The following WDR27 variants were observed in gnomAD, a reference collection of about 807,000 sequenced individuals.
WDR27 encodes the protein WD repeat domain 27, also known as WD repeat-containing protein 27.
WDR27 carries 100 observed loss-of-function variants against 114.4 expected under a neutral mutation model. The ratio of observed to expected loss-of-function variants is 0.87; its 90% CI spans 0.74 to 1.03. The LOEUF is 1.03. WDR27 is among the 50% of genes least tolerant of loss of function. The pLI is 0.00. For missense variants in WDR27, 1,129 were observed against 1,092.9 expected (o/e 1.03, Z -0.47); for synonymous variants, 449 against 423.1 (o/e 1.06, Z -0.75).
At chr6:169,428,308 A>G in the WDR27 span, among the ~76,000 whole-genome samples, 11 of 152,280 alleles carry the variant, frequency 7.2e-5, no homozygotes, top group Middle Eastern at 3.4e-3. Flanking sequence ...GGGATGATTC[A>G]GTCTCCAAGA....
chr6:169,508,538 G>C (rs146621968), intron 25 of WDR27, among the ~76,000 whole-genome samples: 321 of 152,212 alleles, frequency 2.1e-3, no homozygotes, highest in African/African-American at 6.6e-3. Context: ...AGAGTGAATA[G>C]TCTAAAGTGA....
intron 13 of WDR27, 97 bp downstream of exon 13, chr6:169,658,179 T>G: frequency 1.0e-6 from 1 of 969,964 alleles, no homozygotes. Flanking sequence ...GGAATGCATA[T>G]TTTAACATAA....
intron 21 of WDR27, among the ~76,000 whole-genome samples, chr6:169,617,518 A>T (rs886535662): frequency 2.0e-5 from 3 of 152,092 alleles, no homozygotes; most frequent in African/African-American, 7.2e-5. Context: ...TAGGATTACA[A>T]GGTCATGCCA....
chr6:169,600,034 C>T (rs904732546), intron 23 of WDR27, among the ~76,000 whole-genome samples: 8 of 152,062 alleles, frequency 5.3e-5, no homozygotes, highest in East Asian at 3.9e-4. Context: ...GTAGTCATTC[C>T]GGAGCAGGTT....
chr6:169,616,364 T>C (rs1316335539), intron 21 of WDR27, among the ~76,000 whole-genome samples: 1 of 152,112 alleles, frequency 6.6e-6, no homozygotes, highest in Non-Finnish European at 1.5e-5. Context: ...GGCGGGCACC[T>C]GTAGTCCCAG....
chr6:169,658,187 T>A, intron 13 of WDR27, 89 bp downstream of exon 13: 1 of 1,032,724 alleles, frequency 9.7e-7, no homozygotes, highest in Non-Finnish European at 1.5e-6. Context: ...TATTTTAACA[T>A]AAGAATTCGC....
At chr6:169,583,796 T>G (rs1804037560) in intron 23 of WDR27, among the ~76,000 whole-genome samples, 1 of 152,124 alleles carries the variant, frequency 6.6e-6, no homozygotes, top group Non-Finnish European at 1.5e-5. Flanking sequence ...ATTGTGTATA[T>G]TTGAAGTTTG....
intron 24 of WDR27, among the ~76,000 whole-genome samples, chr6:169,578,360 G>GA (rs1461314210): frequency 2.0e-5 from 3 of 152,230 alleles, no homozygotes. Context: ...TGAGAGGCCA[G>GA]AAAGTTGTTT....
intron 1 of WDR27, among the ~76,000 whole-genome samples, chr6:169,690,303 A>G (rs4716380): frequency 0.18 from 26,836 of 152,158 alleles, 3,096 homozygotes; most frequent in African/African-American, 0.3. Flanking sequence ...TGTGCTCCTC[A>G]TGCTGGCCCT....
the WDR27 span, among the ~76,000 whole-genome samples, chr6:169,450,293 C>G: frequency 6.6e-6 from 1 of 152,220 alleles, no homozygotes; most frequent in Non-Finnish European, 1.5e-5. Context: ...CTGGAGGAAG[C>G]TGCCTCTGCA....
intron 21 of WDR27, among the ~76,000 whole-genome samples, chr6:169,622,198 G>A (rs536784305): frequency 3.2e-4 from 49 of 152,262 alleles, no homozygotes; most frequent in African/African-American, 1.0e-3. Context: ...TTTCCAGACC[G>A]AAGCAATGTT....
chr6:169,477,714 G>A lies in WDR27; in HGVS notation c.2646-20080C>T, dbSNP rs147992079. Among the ~76,000 whole-genome samples the A allele has an allele frequency of 9.0e-3, 1,377 of 152,256 alleles. 13 individuals carry two copies. The highest frequency in any genetic ancestry group is 0.031 in the African/African-American group (1,284 of 41,544). On this transcript the variant is annotated intron_variant, in intron 25 of 25. Transcript: ENST00000448612. ...TTGGCCTCACTATGGGATTAAAGGCGTGATCCACTGTGCCTGGACTTTTTG... is the reference window on the plus strand; with the variant it reads ...TTGGCCTCACTATGGGATTAAAGGCATGATCCACTGTGCCTGGACTTTTTG...
At chr6:169,662,922 C>T (rs191499751) in intron 8 of WDR27, among the ~76,000 whole-genome samples, 6 of 147,430 alleles carry the variant, frequency 4.1e-5, no homozygotes, top group African/African-American at 1.5e-4. Context: ...GATGCGTGTG[C>T]ACCGCGGAGC....
chr6:169,450,764 T>A, the WDR27 span, among the ~76,000 whole-genome samples: 1 of 152,142 alleles, frequency 6.6e-6, no homozygotes, highest in Non-Finnish European at 1.5e-5. Context: ...CCACTCAGCG[T>A]AGCGGTCCCG....
intron 25 of WDR27, among the ~76,000 whole-genome samples, chr6:169,479,995 A>C (rs1457714324): frequency 6.6e-6 from 1 of 152,214 alleles, no homozygotes. Context: ...TGGGCTGGCC[A>C]AGGCCAGAGC....
At chr6:169,551,166 C>T (rs1798046591) in intron 25 of WDR27, among the ~76,000 whole-genome samples, 1 of 152,140 alleles carries the variant, frequency 6.6e-6, no homozygotes, top group African/African-American at 2.4e-5. Context: ...GTGAATGAGT[C>T]CCCACTTTAT....
At chr6:169,635,302 A>T (rs1466823206) in intron 19 of WDR27, among the ~76,000 whole-genome samples, 4 of 152,206 alleles carry the variant, frequency 2.6e-5, no homozygotes, top group African/African-American at 4.8e-5. Context: ...GGAGAATCCC[A>T]TGAACTCGGG....
At chr6:169,617,022 C>A (rs1375719554) in intron 21 of WDR27, among the ~76,000 whole-genome samples, 2 of 152,080 alleles carry the variant, frequency 1.3e-5, no homozygotes, top group African/African-American at 2.4e-5. Context: ...GGGTTTGACA[C>A]CATGTGTAAG....
intron 21 of WDR27, among the ~76,000 whole-genome samples, chr6:169,628,281 C>T (rs1298773927): frequency 6.6e-6 from 1 of 152,172 alleles, no homozygotes; most frequent in Non-Finnish European, 1.5e-5. Flanking sequence ...TTGCCAGCCT[C>T]CAGAACTGTG....
Sources: allele counts gnomAD v4.1 joint callset (sites outside exome capture counted in the v4.1 genomes callset), GRCh38; gene constraint gnomAD v4.1.1; transcripts MANE v1.5; gene names NCBI Gene and HGNC (gene_info 2026-07-23, HGNC 2026-07-21).